The following PLEKHG4B variants were observed in gnomAD, a reference collection of about 807,000 sequenced individuals.
The protein encoded by PLEKHG4B is pleckstrin homology domain-containing family G member 4B.
Under a neutral mutation model 121.3 loss-of-function variants are expected in PLEKHG4B, and 111 were observed. The ratio of observed to expected loss-of-function variants is 0.92; its 90% CI spans 0.78 to 1.07. The LOEUF (loss-of-function observed/expected upper bound fraction) is 1.07. Ranked by LOEUF, PLEKHG4B falls within the 50% of genes least tolerant of loss-of-function variation. PLEKHG4B has a pLI of 0.00. For synonymous variants in PLEKHG4B, 738 were observed against 725.0 expected, an observed-to-expected ratio of 1.02 and a Z score of -0.29; for missense variants, 1,831 against 1,757.8, an observed-to-expected ratio of 1.04 and a Z score of -0.74.
Position 187,024 on chromosome 5 carries a change from T to G in PLEKHG4B, c.*4701T>G, listed in dbSNP as rs1018269431. ...GGAGGAGCCATCCTGGGACTGTGCT[T>G]GGACAAGGTTGGGGCTCCCGCAGTG... On this transcript the variant is annotated 3_prime_UTR_variant, in exon 20 of 20. Coordinates refer to ENST00000637938, the MANE Select transcript of PLEKHG4B (RefSeq NM_052909.5). 6.6e-6 allele frequency: 1 copy of G among 152,286 alleles called. No individual in the cohort carries two copies. Among genetic ancestry groups the G allele is most frequent in the African/African-American group, 2.4e-5 (1 of 41,442 alleles). The allele number at this position is 152,286 out of a possible 1,614,324, so 9.4% of individuals were successfully genotyped here.
chr5:154,003 G>A (rs567238396), intron 7 of PLEKHG4B, among the ~76,000 whole-genome samples: 7 of 145,634 alleles, frequency 4.8e-5, no homozygotes, highest in East Asian at 4.0e-4. Context: ...TGCCCCTCTC[G>A]TTTCCTTTAT....
chr5:103,773 C>T (rs1733891308), intron 1 of PLEKHG4B, among the ~76,000 whole-genome samples: 1 of 152,212 alleles, frequency 6.6e-6, no homozygotes, highest in Non-Finnish European at 1.5e-5. Flanking sequence ...AAATTATTAA[C>T]TGTAATTTGC....
intron 18 of PLEKHG4B, among the ~76,000 whole-genome samples, chr5:181,035 T>C (rs1176685393): frequency 2.6e-5 from 4 of 152,236 alleles, no homozygotes; most frequent in African/African-American, 9.7e-5. Context: ...ACAATTAATA[T>C]CATCTTTTTT....
rs1733627899 is a variant in PLEKHG4B, at chr5:186,378, T to C, written c.*4055T>C. On this transcript the variant is annotated 3_prime_UTR_variant, in exon 20 of 20. Transcript: ENST00000637938. Reference sequence around the variant, plus strand: ...CACCAGCAGACACGAAGGTTTCATTTAGATGGCGAACACGTGTTCTCATTT... The same window carrying C: ...CACCAGCAGACACGAAGGTTTCATTCAGATGGCGAACACGTGTTCTCATTT... 6.6e-6 allele frequency: 1 copy of C among 152,298 alleles called. No individual in the cohort carries two copies. The highest frequency in any genetic ancestry group is 2.4e-5 in the African/African-American group (1 of 41,470). The allele number at this position is 152,298 out of a possible 1,614,324, so 9.4% of individuals were successfully genotyped here.
intron 13 of PLEKHG4B, among the ~76,000 whole-genome samples, chr5:167,913 A>T (rs1736405957): frequency 6.6e-6 from 1 of 151,470 alleles, no homozygotes; most frequent in Non-Finnish European, 1.5e-5. Context: ...TAAAAAAATT[A>T]AAAAATACCA....
chr5:140,694 T>C lies in PLEKHG4B; in HGVS notation c.1455T>C (p.Gly485=), dbSNP rs780539108. Residue 485 remains glycine (G), a synonymous_variant, in exon 3 of 20, where the codon GGT becomes GGC. Coordinates refer to ENST00000637938, the MANE Select transcript of PLEKHG4B (RefSeq NM_052909.5). ...VGTPNCVPVE[G]PGCTKEEDVL... ...CCCCAAACTGTGTCCCAGTAGAGGG[T>C]CCCGGCTGCACCAAAGAGGAAGGTA... is the stretch of plus-strand genomic sequence containing the variant. The C allele has an allele frequency of 1.9e-6, 3 of 1,583,676 alleles. No individual in the cohort carries two copies. Among genetic ancestry groups the C allele is most frequent in the South Asian group, 2.3e-5 (2 of 87,640 alleles).
chr5:161,188 G>A (rs952720186), intron 11 of PLEKHG4B, among the ~76,000 whole-genome samples: 1 of 152,188 alleles, frequency 6.6e-6, no homozygotes, highest in Non-Finnish European at 1.5e-5. Flanking sequence ...ACCAGGGCGC[G>A]TAGCCACAGG....
Position 140,131 on chromosome 5 carries a change from C to G in PLEKHG4B, c.892C>G (p.Pro298Ala). The G allele has an allele frequency of 1.6e-6, 1 of 613,812 alleles. No homozygotes were observed. The highest frequency in any genetic ancestry group is 2.7e-6 in the Non-Finnish European group (1 of 366,294). The allele number at this position is 613,812 out of a possible 1,614,324, so 38.0% of individuals were successfully genotyped here. A position where few individuals can be genotyped will look rare whatever the true frequency, so the allele number is the denominator to read the frequency against. ...AAAGGTCAGCCCCTCAGAGCAGGGC[C>G]CACGGATGCCCCCTGAGAACTGTGG... ...FEKVSPSEQGPRMPPENCGGS... is the reference protein window; with the variant it reads ...FEKVSPSEQGARMPPENCGGS... Residue 298 changes from proline (P) to alanine (A), a missense_variant, in exon 3 of 20, where the codon CCA becomes GCA. Physicochemically the swap from Pro to Ala is conservative, Grantham distance 27. Coordinates refer to ENST00000637938, the MANE Select transcript of PLEKHG4B (RefSeq NM_052909.5).
In PLEKHG4B at chr5:107,012, G is replaced by A. The variant is rs571562996; in HGVS notation, c.46-6239G>A. On this transcript the variant is annotated intron_variant, in intron 1 of 19. Coordinates refer to ENST00000637938, the MANE Select transcript of PLEKHG4B (RefSeq NM_052909.5). ...TTCTTTTCCCGGCAAGGCCTGCTCAGTGCAGACATGGGAAGAGGCTGGAAT... is the reference window on the plus strand; with the variant it reads ...TTCTTTTCCCGGCAAGGCCTGCTCAATGCAGACATGGGAAGAGGCTGGAAT... 3.3e-5 allele frequency among the ~76,000 whole-genome samples: 5 copies of A among 152,370 alleles called. No homozygotes were observed. In the East Asian group the frequency reaches 9.6e-4, roughly 29 times the overall value.
intron 2 of PLEKHG4B, among the ~76,000 whole-genome samples, chr5:124,448 GGT>G (rs1324657414): frequency 6.6e-6 from 1 of 152,138 alleles, no homozygotes; most frequent in African/African-American, 2.4e-5. Context: ...TCTTCTGTCT[GGT>G]TCTTCTGTCC....
At position 140,208 on chromosome 5, in the gene PLEKHG4B, C is replaced by T. The variant is rs1172655962; in HGVS notation, c.969C>T (p.Ala323=). The change falls in exon 3 of 20, where the codon GCC becomes GCT. Residue 323 remains alanine, a synonymous_variant. Coordinates refer to ENST00000637938, the MANE Select transcript of PLEKHG4B (RefSeq NM_052909.5). Reference sequence around the variant, plus strand: ...TGGACCAGGAGGACAGACCCAAGGCCCTCACCTTCCACACAGACCTGGGCA... The same window carrying T: ...TGGACCAGGAGGACAGACCCAAGGCTCTCACCTTCCACACAGACCTGGGCA... ...DPMDQEDRPK[A]LTFHTDLGIP... The T allele has an allele frequency of 7.7e-7, 1 of 1,293,206 alleles. No individual in the cohort carries two copies. Among genetic ancestry groups the T allele is most frequent in the Non-Finnish European group, 1.0e-6 (1 of 959,568 alleles). 80.1% of individuals were successfully genotyped at this position (1,293,206 alleles called of 1,614,324 possible).
intron 13 of PLEKHG4B, among the ~76,000 whole-genome samples, chr5:164,564 C>CGGGGGCGG (rs1560944790): frequency 1.6e-5 from 1 of 63,016 alleles, no homozygotes; most frequent in Admixed American, 1.4e-4. Flanking sequence ...AATGCTCTGA[C>CGGGGGCGG]AGGGGGCGGA....
chr5:98,372 C>T (rs484137), intron 1 of PLEKHG4B, among the ~76,000 whole-genome samples: 1 of 135,838 alleles, frequency 7.4e-6, no homozygotes, highest in Non-Finnish European at 1.6e-5. Context: ...GACCTCAATT[C>T]TATACCCTCA....
intron 2 of PLEKHG4B, among the ~76,000 whole-genome samples, chr5:121,063 G>C (rs1053576773): frequency 2.0e-5 from 3 of 151,910 alleles, no homozygotes; most frequent in Non-Finnish European, 4.4e-5. Flanking sequence ...TGGCTAACAC[G>C]GTGAAACTCC....
chr5:160,404 G>A (rs898240968), intron 11 of PLEKHG4B, among the ~76,000 whole-genome samples: 6 of 152,236 alleles, frequency 3.9e-5, no homozygotes, highest in African/African-American at 1.4e-4. Context: ...AGGTTTCCAC[G>A]CATAAGCCGT....
At chr5:152,412 T>C (rs370388110) in intron 7 of PLEKHG4B, among the ~76,000 whole-genome samples, 4 of 151,842 alleles carry the variant, frequency 2.6e-5, no homozygotes, top group South Asian at 2.1e-4. Context: ...GTTCTTGCTA[T>C]GTTGCCTAGG....
intron 13 of PLEKHG4B, among the ~76,000 whole-genome samples, chr5:165,685 C>G (rs868580083): frequency 3.0e-3 from 100 of 33,694 alleles, no homozygotes; most frequent in African/African-American, 8.5e-3. Flanking sequence ...GGGGCTCACA[C>G]TAATGCTCTG....
intron 18 of PLEKHG4B, among the ~76,000 whole-genome samples, chr5:177,509 T>C (rs1736794039): frequency 6.6e-6 from 1 of 152,184 alleles, no homozygotes; most frequent in African/African-American, 2.4e-5. Context: ...GTGGAAGGTA[T>C]CCGAGTGACC....
rs925964165 is a variant in PLEKHG4B at position 98,837 on chromosome 5, C to CTT, written c.45+6579_45+6580dup. The stretch of plus-strand genomic sequence containing the variant: ...TCTGAGTATTCCAACTTGAATTTTC[C>CTT]TTTTTTTTTTTTTTTTTTTCAAAAA... On this transcript the variant is annotated intron_variant, in intron 1 of 19. Coordinates refer to ENST00000637938, the MANE Select transcript of PLEKHG4B (RefSeq NM_052909.5). Among the ~76,000 whole-genome samples, 40 of 79,230 alleles carry CTT rather than the reference C, an allele frequency of 5.0e-4. 1 individual carries two copies. Among genetic ancestry groups the CTT allele is most frequent in the Middle Eastern group, 7.9e-3 (1 of 126 alleles). 52.0% of individuals were successfully genotyped at this position (79,230 alleles called of 152,430 possible). A position where few individuals can be genotyped will look rare whatever the true frequency, so the allele number is the denominator to read the frequency against.
Sources: gnomAD v4.1 joint callset for allele counts (sites outside exome capture counted in the v4.1 genomes callset) on GRCh38, gnomAD v4.1.1 for gene constraint, MANE v1.5 for transcripts, NCBI Gene and HGNC (gene_info 2026-07-23, HGNC 2026-07-21) for gene names.